The following BTBD9 variants were observed in gnomAD, a reference collection of about 807,000 sequenced individuals.
BTBD9 encodes BTB domain containing 9, also known as BTB/POZ domain-containing protein 9.
Under a neutral mutation model 64.3 loss-of-function variants are expected in BTBD9, and 49 were observed. That is an observed-to-expected ratio of 0.76 (90% confidence interval 0.61 to 0.97). The LOEUF (loss-of-function observed/expected upper bound fraction) is 0.97. Ranked by LOEUF, BTBD9 falls within the 50% of genes least tolerant of loss-of-function variation. The probability of loss-of-function intolerance (pLI) is 0.00; values close to 1 mark genes in which losing one functional copy is unlikely to be tolerated. For missense variants in BTBD9, 598 were observed against 762.1 expected (o/e 0.78, Z 2.53); for synonymous variants, 260 against 274.7 (o/e 0.95, Z 0.53).
Position 38,597,995 on chromosome 6 carries a change from C to T in BTBD9, c.100G>A (p.Glu34Lys), listed in dbSNP as rs1294567608. 1 of 1,614,020 alleles carries T rather than the reference C, an allele frequency of 6.2e-7. No homozygotes were observed. The highest frequency in any genetic ancestry group is 1.1e-5 in the South Asian group (1 of 91,080). The change falls in exon 2 of 11, where the codon GAA becomes AAA. Residue 34 changes from glutamate (E) to lysine (K), a missense_variant. Coordinates refer to ENST00000481247, the MANE Select transcript of BTBD9 (RefSeq NM_001099272.2). ...ACCACGAATGTGACGTCGCCATATT[C>T]TTCCCCAATCAACAAGGCACCAATA... is the stretch of plus-strand genomic sequence containing the variant. ...EHIGALLIGE[E>K]YGDVTFVVEK...
In BTBD9 at chr6:38,373,311, T is replaced by C. The variant is rs151123035; in HGVS notation, c.1155-28218A>G. Among the ~76,000 whole-genome samples, 66 of 152,336 alleles carry C rather than the reference T, an allele frequency of 4.3e-4. 1 individual carries two copies. The East Asian group carries it at 0.012, about 28-fold the overall frequency. On this transcript the variant is annotated intron_variant, in intron 6 of 10. Coordinates refer to ENST00000481247, the MANE Select transcript of BTBD9 (RefSeq NM_001099272.2). The stretch of plus-strand genomic sequence containing the variant: ...GCCAGTCTGCTGCTTTTGGGACATA[T>C]TATTCTGTGCACGATCTATTTTTCT...
chr6:38,203,943 T>C (rs1762550757), intron 9 of BTBD9, among the ~76,000 whole-genome samples: 1 of 152,150 alleles, frequency 6.6e-6, no homozygotes. Context: ...ATACTCAAGA[T>C]GATGAATACT....
intron 6 of BTBD9, among the ~76,000 whole-genome samples, chr6:38,374,633 G>C (rs1186128949): frequency 6.6e-6 from 1 of 151,578 alleles, no homozygotes; most frequent in Non-Finnish European, 1.5e-5. Context: ...AAATTATTTG[G>C]GGAAAAAAAG....
At chr6:38,237,708 T>C (rs1032456531) in intron 9 of BTBD9, among the ~76,000 whole-genome samples, 5 of 152,112 alleles carry the variant, frequency 3.3e-5, no homozygotes, top group Admixed American at 6.5e-5. Flanking sequence ...CTTAATTCCT[T>C]ACAAAAAAGT....
chr6:38,199,329 C>T (rs1762377271), intron 9 of BTBD9, among the ~76,000 whole-genome samples: 1 of 151,608 alleles, frequency 6.6e-6, no homozygotes, highest in Non-Finnish European at 1.5e-5. Context: ...CTGGAGAGTC[C>T]CTTTCGGGAG....
chr6:38,565,780 A>G (rs959194621), intron 6 of BTBD9, among the ~76,000 whole-genome samples: 3 of 152,216 alleles, frequency 2.0e-5, no homozygotes, highest in African/African-American at 7.2e-5. Context: ...TGATTATAAT[A>G]CTTTGACCTT....
At chr6:38,373,298 C>T (rs534420969) in intron 6 of BTBD9, among the ~76,000 whole-genome samples, 46 of 152,284 alleles carry the variant, frequency 3.0e-4, no homozygotes, top group African/African-American at 1.1e-3. Flanking sequence ...CAGTCTGCTG[C>T]TTTTGGGACA....
chr6:38,383,641 T>C lies in BTBD9; in HGVS notation c.1155-38548A>G, dbSNP rs541132255. ...TATGGAGAAAGTTATAAAATTTTGT[T>C]GAATGACGGTAAAGAAGACCAAAGT... On this transcript the variant is annotated intron_variant, in intron 6 of 10. Coordinates refer to ENST00000481247, the MANE Select transcript of BTBD9 (RefSeq NM_001099272.2). Among the ~76,000 whole-genome samples, 24 of 152,310 alleles carry C rather than the reference T, an allele frequency of 1.6e-4. No individual in the cohort carries two copies. In the South Asian group the frequency reaches 1.7e-3, roughly 11 times the overall value.
intron 6 of BTBD9, among the ~76,000 whole-genome samples, chr6:38,449,204 G>A (rs973288489): frequency 2.0e-5 from 3 of 152,148 alleles, no homozygotes; most frequent in African/African-American, 7.2e-5. Context: ...AGGTAGAAGA[G>A]GCAGAGAAAT....
At chr6:38,330,268 G>A (rs1443535656) in intron 7 of BTBD9, among the ~76,000 whole-genome samples, 2 of 152,126 alleles carry the variant, frequency 1.3e-5, no homozygotes, top group African/African-American at 2.4e-5. Context: ...GGCCAGGATG[G>A]TCTCGAACTC....
At chr6:38,526,968 T>G (rs1416426314) in intron 6 of BTBD9, among the ~76,000 whole-genome samples, 2 of 152,090 alleles carry the variant, frequency 1.3e-5, no homozygotes, top group Non-Finnish European at 2.9e-5. Context: ...TGAGAAGGCA[T>G]GATTGGTTTT....
intron 8 of BTBD9, among the ~76,000 whole-genome samples, chr6:38,265,924 C>CT (rs1764955960): frequency 6.6e-6 from 1 of 152,198 alleles, no homozygotes; most frequent in Non-Finnish European, 1.5e-5. Context: ...GCTAACACCA[C>CT]ATTACCAAAT....
intron 6 of BTBD9, among the ~76,000 whole-genome samples, chr6:38,439,110 C>CTTTTTTTTTTTTTTTTTTTTTT (rs35699356): frequency 6.2e-5 from 4 of 64,064 alleles, no homozygotes; most frequent in African/African-American, 2.7e-4. Flanking sequence ...TAGCAACTGA[C>CTTTTTTTTTTTTTTTTTTTTTT]TTTTTTTTTT....
intron 8 of BTBD9, among the ~76,000 whole-genome samples, chr6:38,278,303 A>T (rs1761367943): frequency 6.6e-6 from 1 of 152,260 alleles, no homozygotes; most frequent in South Asian, 2.1e-4. Flanking sequence ...AACAAACAAA[A>T]CAAAAAATAA....
chr6:38,247,979 A>G (rs998787388), intron 9 of BTBD9, among the ~76,000 whole-genome samples: 4 of 152,184 alleles, frequency 2.6e-5, no homozygotes, highest in African/African-American at 4.8e-5. Context: ...TTTAAAAGAA[A>G]TACATGTAAA....
chr6:38,328,690 G>A (rs1333005013), intron 7 of BTBD9, among the ~76,000 whole-genome samples: 2 of 151,062 alleles, frequency 1.3e-5, no homozygotes, highest in East Asian at 2.0e-4. Flanking sequence ...GCTCACGCCT[G>A]TAATCTCAGC....
At chr6:38,217,152 CAAAAAAAA>C (rs35599057) in intron 9 of BTBD9, among the ~76,000 whole-genome samples, 1 of 121,832 alleles carries the variant, frequency 8.2e-6, no homozygotes, top group Non-Finnish European at 1.7e-5. Context: ...ACTAAGGATA[CAAAAAAAA>C]AAAAAAAAAT....
intron 4 of BTBD9, among the ~76,000 whole-genome samples, chr6:38,583,073 T>A (rs757002110): frequency 6.6e-6 from 1 of 152,148 alleles, no homozygotes; most frequent in Non-Finnish European, 1.5e-5. Flanking sequence ...TATTCAGATA[T>A]CAATGATGCA....
At position 38,184,544 on chromosome 6, in the gene BTBD9, A is replaced by G. The variant is rs1761731601; in HGVS notation, c.1641+7975T>C. Among the ~76,000 whole-genome samples, 1 of 151,882 alleles carries G rather than the reference A, an allele frequency of 6.6e-6. No individual in the cohort carries two copies. The highest frequency in any genetic ancestry group is 1.5e-5 in the Non-Finnish European group (1 of 67,974). On this transcript the variant is annotated intron_variant, in intron 10 of 10. Coordinates refer to ENST00000481247, the MANE Select transcript of BTBD9 (RefSeq NM_001099272.2). This position sits in a 1 kb window ranked among gnomAD's most constrained non-coding sequence, Gnocchi z 4.4. ...TTTGCAAGGAGAGGGCTGCCTCTCC[A>G]TTTGCTCTCTCTGTGCTCTGCCACA...
Sources: gnomAD v4.1 joint callset for allele counts (sites outside exome capture counted in the v4.1 genomes callset) on GRCh38, gnomAD v4.1.1 for gene constraint, Gnocchi (gnomAD v3.1) non-coding constraint, MANE v1.5 for transcripts, NCBI Gene and HGNC (gene_info 2026-07-23, HGNC 2026-07-21) for gene names.